Variants in METTL15 observed in about 807,000 individuals in gnomAD.
METTL15 encodes the protein methyltransferase 15, mitochondrial 12S rRNA N4-cytidine.
Under a neutral mutation model 38.3 loss-of-function variants are expected in METTL15, and 34 were observed. The ratio of observed to expected loss-of-function variants is 0.89; its 90% CI spans 0.68 to 1.18. The LOEUF (loss-of-function observed/expected upper bound fraction) is 1.18. METTL15 is among the 50% of genes most tolerant of loss of function. METTL15 has a pLI of 0.00. For synonymous variants in METTL15, 162 were observed against 170.9 expected (o/e 0.95, Z 0.41); for missense variants, 438 against 498.4 (o/e 0.88, Z 1.15).
intron 5 of METTL15, among the ~76,000 whole-genome samples, chr11:28,406,204 G>A (rs1850672482): frequency 6.6e-6 from 1 of 151,842 alleles, no homozygotes; most frequent in African/African-American, 2.4e-5. Context: ...TGGGCAGTAT[G>A]GCCATTTTCA....
At chr11:28,352,300 A>C (rs1850048036) in intron 4 of METTL15, 1 of 152,172 alleles carries the variant, frequency 6.6e-6, no homozygotes, top group Non-Finnish European at 1.5e-5. Flanking sequence ...TATTAAACTT[A>C]ATAGCTGACC....
chr11:28,411,014 T>G (rs886843506), intron 5 of METTL15, among the ~76,000 whole-genome samples: 1 of 151,856 alleles, frequency 6.6e-6, no homozygotes, highest in Non-Finnish European at 1.5e-5. Flanking sequence ...TACAATAGCT[T>G]CAAAAAATAG....
In METTL15 at chr11:28,113,471, G is replaced by A. The variant is rs755554283; in HGVS notation, c.137G>A (p.Arg46Gln). The A allele has an allele frequency of 1.9e-5, 31 of 1,612,056 alleles. No individual in the cohort carries two copies. The Admixed American group carries it at 2.5e-4, about 13-fold the overall frequency. Residue 46 changes from arginine to glutamine, a missense_variant, in exon 3 of 7, where the codon CGG becomes CAG. Arg to Gln is a conservative substitution (Grantham distance 43). Coordinates refer to ENST00000407364, the MANE Select transcript of METTL15 (RefSeq NM_001113528.2). ...GAAAAATATAGAGAATATGAAGCCC[G>A]GGAGCAAACAGATCAAACTCAAGCC... is the stretch of plus-strand genomic sequence containing the variant. ...TAEKYREYEA[R>Q]EQTDQTQAQE...
chr11:28,451,508 C>T (rs922092207), intron 6 of METTL15, among the ~76,000 whole-genome samples: 1 of 151,924 alleles, frequency 6.6e-6, no homozygotes, highest in Non-Finnish European at 1.5e-5. Context: ...TGGCGTGAAC[C>T]CAGGAGGCGG....
chr11:28,425,317 T>C (rs1850854514), intron 6 of METTL15, among the ~76,000 whole-genome samples: 1 of 152,178 alleles, frequency 6.6e-6, no homozygotes, highest in African/African-American at 2.4e-5. Flanking sequence ...TTAAATCCTT[T>C]CCTAGTTTTG....
chr11:28,500,648 C>T (rs759820084), intron 6 of METTL15, among the ~76,000 whole-genome samples: 3 of 151,968 alleles, frequency 2.0e-5, no homozygotes, highest in Admixed American at 6.6e-5. Context: ...CTCAGCCTCC[C>T]GAAAACTGGG....
chr11:28,526,725 G>A (rs1851815019), exon 8 of METTL15: 1 of 152,232 alleles, frequency 6.6e-6, no homozygotes, highest in African/African-American at 2.4e-5. Flanking sequence ...CTAACCTCCA[G>A]AACGGTGATG....
intron 3 of METTL15, among the ~76,000 whole-genome samples, chr11:28,140,759 C>T (rs1031863497): frequency 3.9e-5 from 6 of 152,168 alleles, no homozygotes; most frequent in African/African-American, 1.2e-4. Flanking sequence ...AATACAAGGG[C>T]ATTTTACATA....
intron 6 of METTL15, among the ~76,000 whole-genome samples, chr11:28,303,222 G>A (rs1181773337): frequency 1.3e-5 from 2 of 152,056 alleles, no homozygotes; most frequent in Non-Finnish European, 2.9e-5. Context: ...TCAAGTCCTG[G>A]TTCTTCAACT....
At chr11:28,290,521 T>C (rs1856471330) in intron 5 of METTL15, 124 bp downstream of exon 5, 1 of 809,370 alleles carries the variant, frequency 1.2e-6, no homozygotes, top group African/African-American at 1.7e-5. Flanking sequence ...TACCAATACA[T>C]AATAAATCAG....
chr11:28,328,767 G>A, intron 6 of METTL15, among the ~76,000 whole-genome samples: 1 of 152,002 alleles, frequency 6.6e-6, no homozygotes, highest in East Asian at 1.9e-4. Context: ...TGAAGTAGAT[G>A]GGACATACCT....
chr11:28,323,148 T>A (rs1849526005), intron 6 of METTL15, among the ~76,000 whole-genome samples: 1 of 152,182 alleles, frequency 6.6e-6, no homozygotes, highest in African/African-American at 2.4e-5. Context: ...AGTAGTGACA[T>A]TAACTATTGA....
chr11:28,419,671 A>G (rs888065443), intron 5 of METTL15, among the ~76,000 whole-genome samples: 1 of 152,168 alleles, frequency 6.6e-6, no homozygotes, highest in African/African-American at 2.4e-5. Context: ...GAACTAAATA[A>G]GGTGTGAGAG....
At chr11:28,202,002 C>G (rs954725796) in intron 3 of METTL15, among the ~76,000 whole-genome samples, 13 of 152,076 alleles carry the variant, frequency 8.5e-5, no homozygotes, top group African/African-American at 3.1e-4. Context: ...GAATATTACC[C>G]ATTATGCCTA....
intron 6 of METTL15, among the ~76,000 whole-genome samples, chr11:28,444,589 A>G (rs1009174328): frequency 1.3e-5 from 2 of 152,212 alleles, no homozygotes; most frequent in East Asian, 1.9e-4. Flanking sequence ...CTAATCACTT[A>G]GTAGCCATGA....
intron 4 of METTL15, among the ~76,000 whole-genome samples, chr11:28,243,639 G>C (rs1854392502): frequency 6.6e-6 from 1 of 152,024 alleles, no homozygotes; most frequent in Non-Finnish European, 1.5e-5. Flanking sequence ...AGCATTCCAG[G>C]ATCTCCAAGT....
At chr11:28,198,746 T>C (rs977145233) in intron 3 of METTL15, among the ~76,000 whole-genome samples, 20 of 152,148 alleles carry the variant, frequency 1.3e-4, no homozygotes, top group Admixed American at 3.9e-4. Flanking sequence ...TAAAAAATGT[T>C]AGCTAACTAT....
chr11:28,232,921 C>T (rs1402603118), intron 4 of METTL15, among the ~76,000 whole-genome samples: 2 of 151,914 alleles, frequency 1.3e-5, no homozygotes, highest in East Asian at 1.9e-4. Flanking sequence ...TTTTTTTTCT[C>T]TTATTAATAT....
intron 3 of METTL15, among the ~76,000 whole-genome samples, chr11:28,340,507 C>T (rs1033383908): frequency 6.6e-6 from 1 of 152,034 alleles, no homozygotes; most frequent in African/African-American, 2.4e-5. Context: ...AAAAAGTGGG[C>T]AAAGGATATG....
Sources: allele counts gnomAD v4.1 joint callset (sites outside exome capture counted in the v4.1 genomes callset), GRCh38; gene constraint gnomAD v4.1.1; transcripts MANE v1.5; gene names NCBI Gene and HGNC (gene_info 2026-07-23, HGNC 2026-07-21).